KIAA1958: variants seen among roughly 807,000 people sequenced by gnomAD.
KIAA1958 encodes KIAA1958, also known as uncharacterized protein KIAA1958.
KIAA1958 carries 14 observed loss-of-function variants against 47.2 expected under a neutral mutation model. That is an observed-to-expected ratio of 0.30 (90% confidence interval 0.20 to 0.46). The LOEUF (loss-of-function observed/expected upper bound fraction) is 0.46. KIAA1958 is among the 20% of genes least tolerant of loss of function. KIAA1958 has a pLI of 1.00. For missense variants in KIAA1958, 803 were observed against 909.2 expected (o/e 0.88, Z 1.50); for synonymous variants, 354 against 353.3 (o/e 1.00, Z -0.02).
chr9:112,637,534 C>T (rs918854697), intron 2 of KIAA1958, among the ~76,000 whole-genome samples: 2 of 152,034 alleles, frequency 1.3e-5, no homozygotes, highest in Non-Finnish European at 1.5e-5. Context: ...CCCGTGACCA[C>T]GCCCGGCAGA....
At chr9:112,488,568 A>G (rs1011987989) in intron 1 of KIAA1958, among the ~76,000 whole-genome samples, 1 of 152,310 alleles carries the variant, frequency 6.6e-6, no homozygotes, top group South Asian at 2.1e-4. Context: ...TAAGTCTGAC[A>G]GTTACCCAGG....
At chr9:112,599,012 T>A (rs535302817) in intron 2 of KIAA1958, among the ~76,000 whole-genome samples, 6 of 152,052 alleles carry the variant, frequency 3.9e-5, no homozygotes, top group Non-Finnish European at 7.4e-5. Context: ...AGCCCAGGAG[T>A]TCGAGATTAC....
chr9:112,613,584 T>G (rs1305982665), intron 2 of KIAA1958, among the ~76,000 whole-genome samples: 1 of 151,938 alleles, frequency 6.6e-6, no homozygotes, highest in Non-Finnish European at 1.5e-5. Context: ...GTAATAAATA[T>G]AACAAACATT....
At chr9:112,499,744 A>G (rs1214946144) in intron 1 of KIAA1958, among the ~76,000 whole-genome samples, 2 of 138,550 alleles carry the variant, frequency 1.4e-5, no homozygotes, top group African/African-American at 5.5e-5. Flanking sequence ...GCTAGAGTGC[A>G]GTGGTGTGAT....
At chr9:112,644,190 AC>A (rs1179945096) in intron 2 of KIAA1958, among the ~76,000 whole-genome samples, 8 of 74,930 alleles carry the variant, frequency 1.1e-4, no homozygotes, top group Admixed American at 4.2e-4. Context: ...AAACAAACAA[AC>A]AAACAAAAAA....
chr9:112,590,913 A>G (rs1363863162), intron 2 of KIAA1958, among the ~76,000 whole-genome samples: 2 of 152,178 alleles, frequency 1.3e-5, no homozygotes, highest in African/African-American at 2.4e-5. Context: ...TGTCACCCTG[A>G]CATCCAGCTT....
chr9:112,575,135 C>T lies in KIAA1958; in HGVS notation c.1055C>T (p.Ser352Phe), dbSNP rs1448867506. 5 of 1,604,138 alleles carry T rather than the reference C, an allele frequency of 3.1e-6. 1 individual carries two copies. The Middle Eastern group carries it at 4.9e-4, about 159-fold the overall frequency. Reference sequence around the variant, plus strand: ...TCCCATCTGCCCAGCCAGGTCTCCTCCTGTGAGGTAGCCCTTTCTCCCTCA... The same window carrying T: ...TCCCATCTGCCCAGCCAGGTCTCCTTCTGTGAGGTAGCCCTTTCTCCCTCA... The part of the protein sequence containing the change: ...FLSHLPSQVS[S>F]CEVALSPSVN... Residue 352 changes from serine to phenylalanine, a missense_variant, in exon 2 of 4, where the codon TCC becomes TTC. Physicochemically the swap from Ser to Phe is radical, Grantham distance 155. Coordinates refer to ENST00000337530, the MANE Select transcript of KIAA1958 (RefSeq NM_133465.4).
Position 112,522,167 on chromosome 9 carries a change from C to T in KIAA1958, c.-25+35049C>T, listed in dbSNP as rs535539472. Among the ~76,000 whole-genome samples, 64 of 152,198 alleles carry T rather than the reference C, an allele frequency of 4.2e-4. 2 individuals are homozygous for T. Among genetic ancestry groups the T allele is most frequent in the South Asian group, 2.5e-3 (12 of 4,828 alleles). On this transcript the variant is annotated intron_variant, in intron 1 of 3. Coordinates refer to ENST00000337530, the MANE Select transcript of KIAA1958 (RefSeq NM_133465.4). Reference sequence around the variant, plus strand: ...TCTATTTTTAGTAGAGACGAGGTTTCTCCTTGTTGGTCAGGCTGGTCTCGA... The same window carrying T: ...TCTATTTTTAGTAGAGACGAGGTTTTTCCTTGTTGGTCAGGCTGGTCTCGA...
Position 112,554,990 on chromosome 9 carries a change from A to G in KIAA1958, c.-24-19067A>G, listed in dbSNP as rs1588015941. On this transcript the variant is annotated intron_variant, in intron 1 of 3. Coordinates refer to ENST00000337530, the MANE Select transcript of KIAA1958 (RefSeq NM_133465.4). Reference sequence around the variant, plus strand: ...GAAAGGAGGACTTCAGAAGAACTAAAAACAAAAATACTGCAAGAAGGGAAA... The same window carrying G: ...GAAAGGAGGACTTCAGAAGAACTAAGAACAAAAATACTGCAAGAAGGGAAA... Among the ~76,000 whole-genome samples the G allele has an allele frequency of 2.0e-5, 3 of 152,370 alleles. No homozygotes were observed. The South Asian group carries it at 6.2e-4, about 32-fold the overall frequency.
rs775114661 is a variant in KIAA1958 at position 112,660,095 on chromosome 9, C to A, written c.*26C>A. 3.8e-6 allele frequency: 6 copies of A among 1,597,236 alleles called. No homozygotes were observed. Among genetic ancestry groups the A allele is most frequent in the Non-Finnish European group, 4.3e-6 (5 of 1,170,410 alleles). ...GCCCCCACTGGGGCCCGGCCACTGCCCTGTCACCTGCTCGGGCCAGCCAGG... is the reference window on the plus strand; with the variant it reads ...GCCCCCACTGGGGCCCGGCCACTGCACTGTCACCTGCTCGGGCCAGCCAGG... On this transcript the variant is annotated 3_prime_UTR_variant, in exon 4 of 4. Transcript: ENST00000337530.
chr9:112,491,300 G>A (rs955799428), intron 1 of KIAA1958, among the ~76,000 whole-genome samples: 7 of 152,162 alleles, frequency 4.6e-5, no homozygotes, highest in Admixed American at 2.0e-4. Flanking sequence ...ACGTTAAAAC[G>A]TTGAAGCAAT....
chr9:112,646,474 A>T (rs182401394), intron 3 of KIAA1958, among the ~76,000 whole-genome samples: 4 of 152,354 alleles, frequency 2.6e-5, no homozygotes, highest in African/African-American at 4.8e-5. Context: ...GAAGAAACAT[A>T]ATGAAAGTGG....
At chr9:112,536,694 T>C (rs929736829) in intron 1 of KIAA1958, among the ~76,000 whole-genome samples, 9 of 152,132 alleles carry the variant, frequency 5.9e-5, no homozygotes, top group African/African-American at 2.2e-4. Flanking sequence ...GAGGTGAGGA[T>C]TGCTTGAGCC....
intron 2 of KIAA1958, among the ~76,000 whole-genome samples, chr9:112,617,586 ATCTCT>A (rs1370997340): frequency 2.0e-5 from 3 of 152,128 alleles, no homozygotes; most frequent in African/African-American, 7.2e-5. Flanking sequence ...GCTGTCTCTA[ATCTCT>A]CTCTTTCGAC....
chr9:112,637,921 G>A (rs935927472), intron 2 of KIAA1958, among the ~76,000 whole-genome samples: 2 of 152,100 alleles, frequency 1.3e-5, no homozygotes, highest in African/African-American at 2.4e-5. Flanking sequence ...GGCCGAGGAG[G>A]GTGGATCACC....
chr9:112,511,689 A>T (rs1834328234), intron 1 of KIAA1958, among the ~76,000 whole-genome samples: 1 of 152,214 alleles, frequency 6.6e-6, no homozygotes, highest in Non-Finnish European at 1.5e-5. Flanking sequence ...TCAGAGCATA[A>T]ATCAGTGAAA....
At chr9:112,645,887 TGCTAA>T (rs2131243368) in intron 3 of KIAA1958, 65 bp downstream of exon 3, 2 of 1,441,214 alleles carry the variant, frequency 1.4e-6, no homozygotes, top group Non-Finnish European at 1.9e-6. Flanking sequence ...CCAGGCACTG[TGCTAA>T]GCATTGTAGG....
At chr9:112,500,787 A>G (rs567059127) in intron 1 of KIAA1958, among the ~76,000 whole-genome samples, 1 of 152,272 alleles carries the variant, frequency 6.6e-6, no homozygotes, top group South Asian at 2.1e-4. Context: ...ACGCACTGAT[A>G]AAAAGGTTAG....
intron 2 of KIAA1958, among the ~76,000 whole-genome samples, chr9:112,614,873 G>A (rs1836384550): frequency 6.6e-6 from 1 of 152,106 alleles, no homozygotes; most frequent in Non-Finnish European, 1.5e-5. Flanking sequence ...GCTTCACTCG[G>A]GACTGTGGCA....
Sources: allele counts gnomAD v4.1 joint callset (sites outside exome capture counted in the v4.1 genomes callset), GRCh38; gene constraint gnomAD v4.1.1; transcripts MANE v1.5; gene names NCBI Gene and HGNC (gene_info 2026-07-23, HGNC 2026-07-21).